Variants in MTA3 observed in about 807,000 individuals in gnomAD.
MTA3 encodes the protein metastasis associated 1 family member 3.
A neutral mutation model predicts 83.5 loss-of-function variants in MTA3; 34 were observed. The ratio of observed to expected loss-of-function variants is 0.41; its 90% CI spans 0.31 to 0.54. The LOEUF is 0.54. MTA3 is among the 20% of genes least tolerant of loss of function. The pLI, the probability that MTA3 is intolerant of heterozygous loss-of-function variation, is 0.33. For missense variants in MTA3, 761 were observed against 726.4 expected (o/e 1.05, Z -0.55); for synonymous variants, 303 against 252.7 (o/e 1.20, Z -1.89).
chr2:42,711,528 A>G (rs1558609834), intron 14 of MTA3, among the ~76,000 whole-genome samples: 1 of 152,176 alleles, frequency 6.6e-6, no homozygotes, highest in Non-Finnish European at 1.5e-5. Flanking sequence ...AGATTCTTAA[A>G]TAATTTTACC....
intron 4 of MTA3, among the ~76,000 whole-genome samples, chr2:42,634,626 C>G (rs1041304795): frequency 1.3e-5 from 2 of 152,202 alleles, no homozygotes; most frequent in African/African-American, 4.8e-5. Context: ...GGTGGGGACA[C>G]AGAGCCAAAC....
chr2:42,727,593 G>C (rs1424551589), intron 16 of MTA3, among the ~76,000 whole-genome samples: 2 of 152,112 alleles, frequency 1.3e-5, no homozygotes, highest in Admixed American at 6.5e-5. Context: ...GATGGAACTT[G>C]TCTGTGCCAT....
intron 2 of MTA3, among the ~76,000 whole-genome samples, chr2:42,511,254 C>G (rs1674881088): frequency 6.6e-6 from 1 of 151,942 alleles, no homozygotes; most frequent in African/African-American, 2.4e-5. Flanking sequence ...GCATTTTTCT[C>G]CAAAGTGCAG....
At position 42,568,643 on chromosome 2, in the gene MTA3, G is replaced by A; in HGVS notation, c.-103G>A. ...CTCCCTTCCCCCCCGTGGCGAGGCAGCAGCGACGGCGGCGGCGGCAGCGGC... is the reference window on the plus strand; with the variant it reads ...CTCCCTTCCCCCCCGTGGCGAGGCAACAGCGACGGCGGCGGCGGCAGCGGC... On this transcript the variant is annotated 5_prime_UTR_variant, in exon 1 of 17. Transcript: ENST00000405094. 1 of 573,416 alleles carries A rather than the reference G, an allele frequency of 1.7e-6. No individual in the cohort carries two copies. Among genetic ancestry groups the A allele is most frequent in the Non-Finnish European group, 2.3e-6 (1 of 441,378 alleles). 35.5% of individuals were successfully genotyped at this position (573,416 alleles called of 1,614,324 possible). A position where few individuals can be genotyped will look rare whatever the true frequency, so the allele number is the denominator to read the frequency against.
At chr2:42,714,274 T>C (rs568876049) in intron 14 of MTA3, among the ~76,000 whole-genome samples, 1 of 152,344 alleles carries the variant, frequency 6.6e-6, no homozygotes, top group Admixed American at 6.5e-5. Flanking sequence ...TTTAACAAAG[T>C]TATCTCTTAA....
At chr2:42,698,194 G>C (rs976552378) in intron 11 of MTA3, among the ~76,000 whole-genome samples, 1 of 152,120 alleles carries the variant, frequency 6.6e-6, no homozygotes. Flanking sequence ...ACTGCTCTTT[G>C]GAGGTTTGTT....
At chr2:42,580,255 A>G (rs930855428) in intron 3 of MTA3, among the ~76,000 whole-genome samples, 4 of 152,124 alleles carry the variant, frequency 2.6e-5, no homozygotes, top group East Asian at 1.9e-4. Flanking sequence ...TGCTGGGATT[A>G]TTGGTGTGAG....
intron 9 of MTA3, among the ~76,000 whole-genome samples, chr2:42,687,127 CACAA>C (rs777545726): frequency 2.0e-5 from 3 of 152,004 alleles, no homozygotes; most frequent in Non-Finnish European, 4.4e-5. Flanking sequence ...ACTCTGTCTC[CACAA>C]ACAAACAAAA....
chr2:42,649,455 G>A (rs927827795), intron 6 of MTA3, among the ~76,000 whole-genome samples: 1 of 151,540 alleles, frequency 6.6e-6, no homozygotes. Context: ...CTCTTTGAGT[G>A]TTAAAGAATT....
At chr2:42,545,551 G>A (rs1480656498) in intron 2 of MTA3, among the ~76,000 whole-genome samples, 1 of 152,144 alleles carries the variant, frequency 6.6e-6, no homozygotes, top group South Asian at 2.1e-4. Flanking sequence ...AGTTAAAAAT[G>A]TGTGAGTGTT....
upstream of MTA3, among the ~76,000 whole-genome samples, chr2:42,565,983 T>C (rs1485830070): frequency 1.3e-5 from 2 of 152,164 alleles, no homozygotes; most frequent in Non-Finnish European, 2.9e-5. Context: ...CACTCCAGCC[T>C]GGGCAGCGAG....
chr2:42,535,437 G>T (rs1676184759), intron 2 of MTA3, among the ~76,000 whole-genome samples: 1 of 151,750 alleles, frequency 6.6e-6, no homozygotes, highest in African/African-American at 2.4e-5. Context: ...TGTGTGTGGA[G>T]ATGGGATCTC....
At position 42,754,386 on chromosome 2, in the gene MTA3, C is replaced by T. The variant is rs555331285; in HGVS notation, c.*987C>T. 34 of 985,584 alleles carry T rather than the reference C, an allele frequency of 3.4e-5. No individual in the cohort carries two copies. The African/African-American group carries it at 4.9e-4, about 14-fold the overall frequency. The allele number at this position is 985,584 out of a possible 1,614,324, so 61.1% of individuals were successfully genotyped here. ...GCCAACCCCATGACCCCCACCCCTCCAGCCCAACATCTTGTGAGCACATGT... is the reference window on the plus strand; with the variant it reads ...GCCAACCCCATGACCCCCACCCCTCTAGCCCAACATCTTGTGAGCACATGT... On this transcript the variant is annotated 3_prime_UTR_variant, in exon 17 of 17. Transcript: ENST00000405094.
intron 2 of MTA3, among the ~76,000 whole-genome samples, chr2:42,561,976 C>CT (rs981766828): frequency 4.6e-5 from 7 of 152,170 alleles, no homozygotes; most frequent in African/African-American, 1.7e-4. Context: ...AGGCCAGAAG[C>CT]TTGAAAGCAA....
chr2:42,560,172 G>A (rs1421464767), intron 2 of MTA3, among the ~76,000 whole-genome samples: 3 of 151,946 alleles, frequency 2.0e-5, no homozygotes, highest in African/African-American at 4.8e-5. Context: ...ACAGGTGCAC[G>A]CCACCACGCC....
At chr2:42,506,187 A>G (rs1326519211) in intron 2 of MTA3, among the ~76,000 whole-genome samples, 1 of 152,326 alleles carries the variant, frequency 6.6e-6, no homozygotes, top group Middle Eastern at 3.4e-3. Context: ...GCTCATGCCT[A>G]TAATCCCAGA....
At chr2:42,749,649 G>A (rs1452805937) in intron 16 of MTA3, among the ~76,000 whole-genome samples, 2 of 151,934 alleles carry the variant, frequency 1.3e-5, no homozygotes, top group Non-Finnish European at 2.9e-5. Context: ...TGTAGTTTTA[G>A]GAGAGACAGG....
chr2:42,753,798 A>G lies in MTA3; in HGVS notation c.*399A>G. On this transcript the variant is annotated 3_prime_UTR_variant, in exon 17 of 17. Coordinates refer to ENST00000405094, the MANE Select transcript of MTA3 (RefSeq NM_001330442.2). The stretch of plus-strand genomic sequence containing the variant: ...GCATGTGTCCGCTCAGCTCGGTCTT[A>G]TGCTGTATAGTTACTAAATATGTAC... 1 of 1,055,154 alleles carries G rather than the reference A, an allele frequency of 9.5e-7. No homozygotes were observed. Among genetic ancestry groups the G allele is most frequent in the Non-Finnish European group, 1.1e-6 (1 of 872,446 alleles). The allele number at this position is 1,055,154 out of a possible 1,614,324, so 65.4% of individuals were successfully genotyped here.
chr2:42,629,799 G>A (rs1686495000), intron 4 of MTA3, among the ~76,000 whole-genome samples: 1 of 151,672 alleles, frequency 6.6e-6, no homozygotes, highest in South Asian at 2.1e-4. Context: ...TTTTTTTTGA[G>A]GTGTAGTCTT....
Sources: gnomAD v4.1 joint callset for allele counts (sites outside exome capture counted in the v4.1 genomes callset) on GRCh38, gnomAD v4.1.1 for gene constraint, MANE v1.5 for transcripts, NCBI Gene and HGNC (gene_info 2026-07-23, HGNC 2026-07-21) for gene names.